KDM4B: variants seen among roughly 807,000 people sequenced by gnomAD.
The protein encoded by KDM4B is lysine demethylase 4B.
Under a neutral mutation model 125.2 loss-of-function variants are expected in KDM4B, and 32 were observed. That is an observed-to-expected ratio of 0.26 (90% CI 0.19 to 0.34). KDM4B has a LOEUF of 0.34. Among genes scored for constraint, KDM4B ranks in the 10% least tolerant of loss-of-function variants. The pLI is 1.00. For missense variants in KDM4B, 1,190 were observed against 1,577.7 expected (o/e 0.75, Z 4.16); for synonymous variants, 721 against 677.9 (o/e 1.06, Z -0.99).
At chr19:4,972,326 G>A (rs1293909782) in intron 1 of KDM4B, among the ~76,000 whole-genome samples, 1 of 152,152 alleles carries the variant, frequency 6.6e-6, no homozygotes, top group Non-Finnish European at 1.5e-5. Flanking sequence ...TAAAATGGGT[G>A]TAATGGGAAC....
intron 2 of KDM4B, among the ~76,000 whole-genome samples, chr19:5,029,123 C>T (rs1362833259): frequency 1.3e-5 from 2 of 152,214 alleles, no homozygotes; most frequent in Non-Finnish European, 2.9e-5. Flanking sequence ...GTTGCTTATG[C>T]TGATGTCAAA....
Position 5,039,871 on chromosome 19 carries a change from G to A in KDM4B, c.177G>A (p.Thr59=), listed in dbSNP as rs144724831. ...IPPKEWKPRQ[T]YDDIDDVVIP... Reference sequence around the variant, plus strand: ...CGAAGGAGTGGAAGCCGCGGCAGACGTATGATGACATCGACGACGTGGTGA... The same window carrying A: ...CGAAGGAGTGGAAGCCGCGGCAGACATATGATGACATCGACGACGTGGTGA... Residue 59 remains threonine (T), a synonymous_variant, in exon 4 of 23, where the codon ACG becomes ACA. Coordinates refer to ENST00000159111, the MANE Select transcript of KDM4B (RefSeq NM_015015.3). The A allele has an allele frequency of 5.6e-5, 91 of 1,612,934 alleles. 1 individual carries two copies. The East Asian group carries it at 1.5e-3, about 26-fold the overall frequency.
At chr19:5,050,323 G>A (rs892751734) in intron 6 of KDM4B, among the ~76,000 whole-genome samples, 3 of 152,232 alleles carry the variant, frequency 2.0e-5, no homozygotes, top group East Asian at 1.9e-4. Flanking sequence ...CAGGCAGCGG[G>A]GCTAAGAATA....
chr19:5,145,053 G>A, intron 21 of KDM4B, 151 bp downstream of exon 21: 1 of 984,452 alleles, frequency 1.0e-6, no homozygotes, highest in Non-Finnish European at 1.5e-6. Flanking sequence ...GGACCCAGCT[G>A]AGCCTTGGCT....
At chr19:5,051,072 G>C (rs2037207063) in intron 6 of KDM4B, among the ~76,000 whole-genome samples, 1 of 152,196 alleles carries the variant, frequency 6.6e-6, no homozygotes, top group South Asian at 2.1e-4. Context: ...AGCCGCCCGG[G>C]CCAGGCACGA....
chr19:5,065,978 C>T (rs749705477), intron 6 of KDM4B, among the ~76,000 whole-genome samples: 4 of 152,242 alleles, frequency 2.6e-5, no homozygotes, highest in Non-Finnish European at 1.5e-5. Context: ...CCTCTGGTCT[C>T]GGTGCTGAAA....
At chr19:5,019,718 TGTGCA>T (rs1231630830) in intron 2 of KDM4B, among the ~76,000 whole-genome samples, 2 of 137,896 alleles carry the variant, frequency 1.5e-5, no homozygotes, top group South Asian at 2.4e-4. Context: ...GTGCAGGTGG[TGTGCA>T]GGTGTGGGTG....
intron 1 of KDM4B, among the ~76,000 whole-genome samples, chr19:4,991,489 G>A (rs2035031282): frequency 6.6e-6 from 1 of 152,192 alleles, no homozygotes; most frequent in South Asian, 2.1e-4. Flanking sequence ...CTGCCAAGGT[G>A]TTGCAAAAAT....
In KDM4B at chr19:5,131,130, A is replaced by T; in HGVS notation, c.1370A>T (p.Lys457Met). 1 of 1,531,784 alleles carries T rather than the reference A, an allele frequency of 6.5e-7. No homozygotes were observed. Among genetic ancestry groups the T allele is most frequent in the Non-Finnish European group, 8.8e-7 (1 of 1,139,164 alleles). 94.9% of individuals were successfully genotyped at this position (1,531,784 alleles called of 1,614,324 possible). A position where few individuals can be genotyped will look rare whatever the true frequency, so the allele number is the denominator to read the frequency against. Residue 457 changes from lysine to methionine, a missense_variant, in exon 12 of 23, where the codon AAG becomes ATG. Physicochemically the swap from Lys to Met is moderately conservative, Grantham distance 95. Coordinates refer to ENST00000159111, the MANE Select transcript of KDM4B (RefSeq NM_015015.3). Reference sequence around the variant, plus strand: ...AAGGCCAAGAGCGAGCGGAAGAAGAAGAGCTTCGGCCTGCTGCCCCCACAG... The same window carrying T: ...AAGGCCAAGAGCGAGCGGAAGAAGATGAGCTTCGGCCTGCTGCCCCCACAG... ...PTKAKSERKK[K>M]SFGLLPPQLP...
rs561776937 is a variant in KDM4B, at chr19:5,076,979, A to G, written c.677-388A>G. The G allele has an allele frequency of 8.6e-5, 20 of 231,506 alleles. No individual in the cohort carries two copies. The South Asian group carries it at 1.2e-3, about 14-fold the overall frequency. The allele number at this position is 231,506 out of a possible 1,614,324, so 14.3% of individuals were successfully genotyped here. A position where few individuals can be genotyped will look rare whatever the true frequency, so the allele number is the denominator to read the frequency against. On this transcript the variant is annotated intron_variant, in intron 7 of 22. Coordinates refer to ENST00000159111, the MANE Select transcript of KDM4B (RefSeq NM_015015.3). ...ATAGCCGTGCCCTGTGAGGGACCCA[A>G]GTGTATGCCATGGGTGGGCACCTTG...
rs563875702 is a variant in KDM4B at position 5,062,490 on chromosome 19, G to A, written c.627-8520G>A. ...ACCCAGGGAGGCACTGGCTTCCCAGGTCAGAGCCTGTGAGTACAGCAGGCA... is the reference window on the plus strand; with the variant it reads ...ACCCAGGGAGGCACTGGCTTCCCAGATCAGAGCCTGTGAGTACAGCAGGCA... On this transcript the variant is annotated intron_variant, in intron 6 of 22. Coordinates refer to ENST00000159111, the MANE Select transcript of KDM4B (RefSeq NM_015015.3). Among the ~76,000 whole-genome samples, 40 of 152,312 alleles carry A rather than the reference G, an allele frequency of 2.6e-4. No homozygotes were observed. In the East Asian group the frequency reaches 7.4e-3, roughly 28 times the overall value.
chr19:5,089,207 C>T (rs1306739390), intron 9 of KDM4B, among the ~76,000 whole-genome samples: 2 of 152,192 alleles, frequency 1.3e-5, no homozygotes, highest in East Asian at 3.8e-4. Flanking sequence ...TGTCCAGAAA[C>T]ATCCTTCCCC....
chr19:5,007,867 T>C (rs1418608509), intron 1 of KDM4B, among the ~76,000 whole-genome samples: 1 of 152,208 alleles, frequency 6.6e-6, no homozygotes, highest in Non-Finnish European at 1.5e-5. Context: ...CTTTTCACTT[T>C]CTTGAGGTCT....
At position 5,114,466 on chromosome 19, in the gene KDM4B, C is replaced by T. The variant is rs951068538; in HGVS notation, c.1115+3648C>T. 1 of 382,474 alleles carries T rather than the reference C, an allele frequency of 2.6e-6. No individual in the cohort carries two copies. Among genetic ancestry groups the T allele is most frequent in the South Asian group, 1.9e-5 (1 of 52,440 alleles). 23.7% of individuals were successfully genotyped at this position (382,474 alleles called of 1,614,324 possible). On this transcript the variant is annotated intron_variant, in intron 10 of 22. Transcript: ENST00000159111. This position sits in a 1 kb window ranked among gnomAD's most constrained non-coding sequence, Gnocchi z 5.8. Reference sequence around the variant, plus strand: ...GCCACACCCCAGCTGCATTCCTGAGCCCTCCCCACCAACAGGGACCTCAGC... The same window carrying T: ...GCCACACCCCAGCTGCATTCCTGAGTCCTCCCCACCAACAGGGACCTCAGC...
intron 5 of KDM4B, among the ~76,000 whole-genome samples, chr19:5,046,231 T>A (rs1256934587): frequency 6.6e-6 from 1 of 152,356 alleles, no homozygotes; most frequent in Admixed American, 6.5e-5. Flanking sequence ...CAGGGCTTCC[T>A]TGCCATGTGT....
chr19:5,047,434 G>T, intron 5 of KDM4B, 42 bp from the exon 6 acceptor site: 2 of 1,560,518 alleles, frequency 1.3e-6, no homozygotes, highest in Non-Finnish European at 1.7e-6. Flanking sequence ...CAGGTTCTGG[G>T]GGTGGCCGGG....
intron 10 of KDM4B, among the ~76,000 whole-genome samples, chr19:5,118,750 T>C (rs997352035): frequency 6.6e-6 from 1 of 152,196 alleles, no homozygotes; most frequent in African/African-American, 2.4e-5. Flanking sequence ...CTAAGAAGTC[T>C]CAGCTCAGCC....
In KDM4B at chr19:5,121,109, G is replaced by A. The variant is rs183162824; in HGVS notation, c.1315+1257G>A. On this transcript the variant is annotated intron_variant, in intron 11 of 22. Transcript: ENST00000159111. Reference sequence around the variant, plus strand: ...GGGGTGCCTGATCTGTGACGATGGGGTCGTGGCCCTCGCAGTACTCCAGGA... The same window carrying A: ...GGGGTGCCTGATCTGTGACGATGGGATCGTGGCCCTCGCAGTACTCCAGGA... Among the ~76,000 whole-genome samples the A allele has an allele frequency of 1.8e-4, 28 of 152,338 alleles. No homozygotes were observed. In the East Asian group the frequency reaches 5.2e-3, roughly 28 times the overall value.
chr19:5,071,155 G>A (rs1381867416), intron 7 of KDM4B, 96 bp downstream of exon 7: 5 of 1,210,502 alleles, frequency 4.1e-6, no homozygotes, highest in East Asian at 4.9e-5. Context: ...GCTCTGCTGC[G>A]GTCTGGGTTT....
Sources: allele counts gnomAD v4.1 joint callset (sites outside exome capture counted in the v4.1 genomes callset), GRCh38; gene constraint gnomAD v4.1.1; non-coding constraint Gnocchi (gnomAD v3.1); transcripts MANE v1.5; gene names NCBI Gene and HGNC (gene_info 2026-07-23, HGNC 2026-07-21).